BTAF1: variants seen among roughly 807,000 people sequenced by gnomAD.
BTAF1 encodes TATA-binding protein-associated factor 172.
Under a neutral mutation model 227.1 loss-of-function variants are expected in BTAF1, and 38 were observed. The ratio of observed to expected loss-of-function variants is 0.17; its 90% confidence interval spans 0.13 to 0.22. BTAF1 has a LOEUF of 0.22. Ranked by LOEUF, BTAF1 falls within the 10% of genes least tolerant of loss-of-function variation. The pLI, the probability that BTAF1 is intolerant of heterozygous loss-of-function variation, is 1.00. For missense variants in BTAF1, 1,598 were observed against 2,204.0 expected, an observed-to-expected ratio of 0.73 and a Z score of 5.51; for synonymous variants, 742 against 751.9, an observed-to-expected ratio of 0.99 and a Z score of 0.21.
chr10:92,014,813 C>T (rs1412315212), intron 32 of BTAF1, among the ~76,000 whole-genome samples: 1 of 152,296 alleles, frequency 6.6e-6, no homozygotes, highest in African/African-American at 2.4e-5. Flanking sequence ...ATTGTGCAAA[C>T]ATCATAGAGT....
chr10:92,015,722 A>G (rs1243950688), intron 32 of BTAF1, among the ~76,000 whole-genome samples: 2 of 152,154 alleles, frequency 1.3e-5, no homozygotes, highest in Admixed American at 6.5e-5. Context: ...GAGAAATGGC[A>G]TTTTGGCTTT....
chr10:91,940,666 GTTTTATTTTATTTA>G (rs1844926289), intron 3 of BTAF1, among the ~76,000 whole-genome samples: 2 of 151,766 alleles, frequency 1.3e-5, no homozygotes, highest in Admixed American at 1.3e-4. Context: ...TTATTATTTT[GTTTTATTTTATTTA>G]TTTTATTTTA....
chr10:92,027,235 C>T lies in BTAF1; in HGVS notation c.5341C>T (p.Gln1781Ter). The T allele has an allele frequency of 6.2e-7, 1 of 1,613,910 alleles. No individual in the cohort carries two copies. The highest frequency in any genetic ancestry group is 8.5e-7 in the Non-Finnish European group (1 of 1,179,918). The stretch of plus-strand genomic sequence containing the variant: ...GAACATAGCGAATACTGTTATTAGC[C>T]AAGAGAATTCTAGTTTGCAGAGCAT... ...KMNIANTVIS[Q>*]ENSSLQSMGT... The change falls in exon 37 of 38, where the codon CAA becomes TAA. Residue 1781 changes from glutamine to a stop codon, truncating the protein, a stop_gained. Coordinates refer to ENST00000265990, the MANE Select transcript of BTAF1 (RefSeq NM_003972.3). LOFTEE classifies it high-confidence loss of function.
chr10:91,997,505 A>G, intron 24 of BTAF1, 98 bp from the exon 25 acceptor site: 1 of 1,049,444 alleles, frequency 9.5e-7, no homozygotes, highest in African/African-American at 1.6e-5. Context: ...AGATGAGAAA[A>G]TGGTGAGCCT....
chr10:91,993,686 A>AT lies in BTAF1; in HGVS notation c.3046-4dup. On this transcript the variant is annotated splice_region_variant and splice_polypyrimidine_tract_variant and intron_variant, in intron 21 of 37. Coordinates refer to ENST00000265990, the MANE Select transcript of BTAF1 (RefSeq NM_003972.3). ...AAATTCTGTTTTTATCTAACATTTA[A>AT]TTTTAAGGCCCAGAAGCCTTACCTG... 1 of 1,448,072 alleles carries AT rather than the reference A, an allele frequency of 6.9e-7. No homozygotes were observed. The highest frequency in any genetic ancestry group is 9.2e-7 in the Non-Finnish European group (1 of 1,089,826). 89.7% of individuals were successfully genotyped at this position (1,448,072 alleles called of 1,614,324 possible).
intron 33 of BTAF1, among the ~76,000 whole-genome samples, chr10:92,017,542 G>C (rs1055383174): frequency 2.6e-5 from 4 of 151,992 alleles, no homozygotes; most frequent in South Asian, 2.1e-4. Context: ...AAGAGAAGGG[G>C]TCATGTTTTG....
chr10:91,925,838 A>G (rs1843791945), intron 1 of BTAF1, among the ~76,000 whole-genome samples: 1 of 152,194 alleles, frequency 6.6e-6, no homozygotes, highest in Non-Finnish European at 1.5e-5. Flanking sequence ...GAATTTTAGG[A>G]CAGTTAATAT....
In BTAF1 at chr10:91,996,449, A is replaced by G. The variant is rs1200128451; in HGVS notation, c.3390A>G (p.Val1130=). 3 of 1,614,164 alleles carry G rather than the reference A, an allele frequency of 1.9e-6. No homozygotes were observed. In the South Asian group the frequency reaches 3.3e-5, roughly 18 times the overall value. The change falls in exon 24 of 38, where the codon GTA becomes GTG. Residue 1130 remains valine, a synonymous_variant. Coordinates refer to ENST00000265990, the MANE Select transcript of BTAF1 (RefSeq NM_003972.3). ...TAVRHMAARC[V]GVMSKIATME... Reference sequence around the variant, plus strand: ...TGAGGCACATGGCTGCTCGTTGTGTAGGTGTCATGAGCAAAATAGCTACCA... The same window carrying G: ...TGAGGCACATGGCTGCTCGTTGTGTGGGTGTCATGAGCAAAATAGCTACCA...
At chr10:91,933,971 C>G (rs901431812) in intron 1 of BTAF1, among the ~76,000 whole-genome samples, 14 of 152,104 alleles carry the variant, frequency 9.2e-5, no homozygotes, top group African/African-American at 3.1e-4. Context: ...TTTCCCCTTT[C>G]TTGGTCCTAC....
At chr10:92,026,309 G>A (rs1376458802) in intron 35 of BTAF1, among the ~76,000 whole-genome samples, 17 of 152,062 alleles carry the variant, frequency 1.1e-4, no homozygotes, top group Admixed American at 9.8e-4. Context: ...ATTATAATTA[G>A]CATTTAATTA....
chr10:92,016,285 T>G, intron 32 of BTAF1, 55 bp from the exon 33 acceptor site: 1 of 1,551,506 alleles, frequency 6.4e-7, no homozygotes, highest in Non-Finnish European at 8.6e-7. Context: ...TTATGTGTTT[T>G]GAACAATTGA....
At position 91,956,814 on chromosome 10, in the gene BTAF1, C is replaced by T. The variant is rs578185319; in HGVS notation, c.831+157C>T. ...GACCAGCCTGGCCAACATGGTGAAA[C>T]CCTGTCTCTACTAAAGATATAAAAA... is the stretch of plus-strand genomic sequence containing the variant. On this transcript the variant is annotated intron_variant, in intron 7 of 37. Transcript: ENST00000265990. Among the ~76,000 whole-genome samples, 11 of 152,214 alleles carry T rather than the reference C, an allele frequency of 7.2e-5. No individual in the cohort carries two copies. In the East Asian group the frequency reaches 1.5e-3, roughly 21 times the overall value.
Position 92,008,264 on chromosome 10 carries a change from A to C in BTAF1, c.3802A>C (p.Lys1268Gln), listed in dbSNP as rs1850063727. 4 of 1,575,368 alleles carry C rather than the reference A, an allele frequency of 2.5e-6. No homozygotes were observed. In the East Asian group the frequency reaches 9.2e-5, roughly 36 times the overall value. ...IPVPINAELR[K>Q]YQQDGVNWLA... ...AGTACCAATCAATGCTGAACTCAGA[A>C]AATATCAGCAGGTAAGTTTTATACA... The change falls in exon 26 of 38, where the codon AAA (lysine) becomes CAA (glutamine). Residue 1268 changes from lysine (K) to glutamine (Q), a missense_variant. Around this residue, in one of 10 missense-constraint regions of BTAF1, gnomAD observed 184 missense variants for 341.1 expected, o/e 0.54. Coordinates refer to ENST00000265990, the MANE Select transcript of BTAF1 (RefSeq NM_003972.3).
chr10:91,935,535 G>T (rs552929451), intron 1 of BTAF1, 122 bp from the exon 2 acceptor site: 3 of 1,013,020 alleles, frequency 3.0e-6, no homozygotes, highest in Non-Finnish European at 2.7e-6. Flanking sequence ...ATGTCTTTCC[G>T]GGGCTCATTT....
At position 92,023,854 on chromosome 10, in the gene BTAF1, G is replaced by A. The variant is rs528228558; in HGVS notation, c.4864-902G>A. 5.9e-5 allele frequency among the ~76,000 whole-genome samples: 9 copies of A among 152,210 alleles called. 1 individual carries two copies. The highest frequency in any genetic ancestry group is 1.7e-4 in the African/African-American group (7 of 41,552). ...TCGCCATGTTGGCCCGGCTGGTCTC[G>A]AACTCTTGACCTCAAGTGATCTGCC... On this transcript the variant is annotated intron_variant, in intron 34 of 37. Transcript: ENST00000265990.
chr10:92,023,002 G>T (rs1191857153), intron 34 of BTAF1, among the ~76,000 whole-genome samples: 1 of 152,136 alleles, frequency 6.6e-6, no homozygotes, highest in Non-Finnish European at 1.5e-5. Flanking sequence ...GTGAAATGTT[G>T]TCTACCAGGG....
chr10:91,926,816 CAT>C (rs1270912325), intron 1 of BTAF1, among the ~76,000 whole-genome samples: 5 of 152,216 alleles, frequency 3.3e-5, no homozygotes, highest in Admixed American at 6.5e-5. Context: ...TCGCTTCAGT[CAT>C]ATTATTTACT....
chr10:91,992,765 T>G (rs1266151730), intron 21 of BTAF1, among the ~76,000 whole-genome samples: 5 of 152,226 alleles, frequency 3.3e-5, no homozygotes, highest in Admixed American at 2.6e-4. Flanking sequence ...CTCTCTGATT[T>G]ATAATGGCAC....
intron 33 of BTAF1, among the ~76,000 whole-genome samples, chr10:92,018,396 C>T (rs530810923): frequency 3.9e-5 from 6 of 152,276 alleles, no homozygotes; most frequent in East Asian, 1.9e-4. Flanking sequence ...TTTTTACACT[C>T]ACTGAAGTTT....
Sources: allele counts gnomAD v4.1 joint callset (sites outside exome capture counted in the v4.1 genomes callset), GRCh38; gene constraint gnomAD v4.1.1; regional missense constraint gnomAD v4.1.1; transcripts MANE v1.5; gene names NCBI Gene and HGNC (gene_info 2026-07-23, HGNC 2026-07-21).